Variants in GTF3C4 observed in about 807,000 individuals in gnomAD.
GTF3C4 encodes general transcription factor 3C polypeptide 4.
Under a neutral mutation model 67.5 loss-of-function variants are expected in GTF3C4, and 28 were observed. The observed-to-expected ratio is 0.41, with a 90% confidence interval of 0.31 to 0.57. The LOEUF (loss-of-function observed/expected upper bound fraction) is 0.57, where lower values mean the gene tolerates loss of function less well. GTF3C4 is among the 20% of genes least tolerant of loss of function. The pLI, the probability that GTF3C4 is intolerant of heterozygous loss-of-function variation, is 0.21. For missense variants in GTF3C4, 831 were observed against 1,033.2 expected, an observed-to-expected ratio of 0.80 and a Z score of 2.68; for synonymous variants, 409 against 393.0, an observed-to-expected ratio of 1.04 and a Z score of -0.48.
chr9:132,670,894 G>A lies in GTF3C4; in HGVS notation c.296G>A (p.Gly99Asp). ...CTCATCTGCGACGTGCACAACCCGGGCCAGGACCTGGTTATCCACCGCACC... is the reference window on the plus strand; with the variant it reads ...CTCATCTGCGACGTGCACAACCCGGACCAGGACCTGGTTATCCACCGCACC... ...LELICDVHNP[G>D]QDLVIHRTSV... The change falls in exon 1 of 5, where the codon GGC (glycine) becomes GAC (aspartate). Residue 99 changes from glycine to aspartate, a missense_variant. Gly to Asp is a moderately conservative substitution (Grantham distance 94). This residue lies in a region of GTF3C4 where 237 missense variants were observed against 212.7 expected (regional missense o/e 1.11). Coordinates refer to ENST00000372146, the MANE Select transcript of GTF3C4 (RefSeq NM_012204.4). The A allele has an allele frequency of 6.2e-7, 1 of 1,612,584 alleles. No homozygotes were observed. The highest frequency in any genetic ancestry group is 8.5e-7 in the Non-Finnish European group (1 of 1,179,966).
At chr9:132,684,914 C>A (rs772493196) in intron 3 of GTF3C4, among the ~76,000 whole-genome samples, 56 of 152,120 alleles carry the variant, frequency 3.7e-4, no homozygotes, top group Non-Finnish European at 5.6e-4. Context: ...CCTTGTCCTT[C>A]CTCTAGAATG....
At chr9:132,670,202 G>T (rs769535774), upstream of GTF3C4, 15 of 1,571,096 alleles carry the variant, frequency 9.5e-6, no homozygotes, top group Middle Eastern at 1.0e-3. Context: ...GAGAGTTCAC[G>T]CTGGGGAAGC....
chr9:132,670,539 GGA>G lies in GTF3C4; in HGVS notation c.-58_-57del. 1 of 1,267,060 alleles carries G rather than the reference GGA, an allele frequency of 7.9e-7. No individual in the cohort carries two copies. The highest frequency in any genetic ancestry group is 1.0e-6 in the Non-Finnish European group (1 of 963,444). The allele number at this position is 1,267,060 out of a possible 1,614,324, so 78.5% of individuals were successfully genotyped here. On this transcript the variant is annotated 5_prime_UTR_variant, in exon 1 of 5. Transcript: ENST00000372146. ...CGCTGGGGGTGGCGGCGGCGGTCCG[GGA>G]GGTGGTCGCGCGACTGCGTGGAGCG...
In GTF3C4 at chr9:132,692,064, T is replaced by C. The variant is rs1321742446; in HGVS notation, c.*3119T>C. The C allele has an allele frequency of 6.6e-6, 1 of 152,188 alleles. No homozygotes were observed. The highest frequency in any genetic ancestry group is 1.5e-5 in the Non-Finnish European group (1 of 68,032). 9.4% of individuals were successfully genotyped at this position (152,188 alleles called of 1,614,324 possible). A position where few individuals can be genotyped will look rare whatever the true frequency, so the allele number is the denominator to read the frequency against. ...GTTAAACTGCCTCAGAGTTTGTGAA[T>C]TGCTGCAATTCCTGGAATGGAAACA... On this transcript the variant is annotated 3_prime_UTR_variant, in exon 5 of 5. Coordinates refer to ENST00000372146, the MANE Select transcript of GTF3C4 (RefSeq NM_012204.4).
At chr9:132,674,311 C>T (rs1835833711) in intron 1 of GTF3C4, among the ~76,000 whole-genome samples, 1 of 152,188 alleles carries the variant, frequency 6.6e-6, no homozygotes. Context: ...TAAGTATACT[C>T]CTTGGGCATC....
chr9:132,685,014 ATTTTTT>A (rs3041416), intron 3 of GTF3C4, among the ~76,000 whole-genome samples: 2 of 135,438 alleles, frequency 1.5e-5, no homozygotes, highest in Non-Finnish European at 3.1e-5. Flanking sequence ...AAATTTTTTA[ATTTTTT>A]TTTTTTTTTT....
At position 132,670,790 on chromosome 9, in the gene GTF3C4, G is replaced by A. The variant is rs1311760361; in HGVS notation, c.192G>A (p.Val64=). Residue 64 remains valine (V), a synonymous_variant, in exon 1 of 5, where the codon GTG becomes GTA. Coordinates refer to ENST00000372146, the MANE Select transcript of GTF3C4 (RefSeq NM_012204.4). ...CGGCCGTGAAGCTGCAGTATGCGGT[G>A]AGCGGCCTGGAACCGCTGGCTTGGT... ...REPAVKLQYA[V]SGLEPLAWSE... The A allele has an allele frequency of 5.0e-6, 8 of 1,593,956 alleles. No homozygotes were observed. The highest frequency in any genetic ancestry group is 6.0e-6 in the Non-Finnish European group (7 of 1,174,328).
In GTF3C4 at chr9:132,678,333, G is replaced by A; in HGVS notation, c.714G>A (p.Glu238=). Residue 238 remains glutamate (E), a synonymous_variant, in exon 2 of 5, where the codon GAG becomes GAA. Coordinates refer to ENST00000372146, the MANE Select transcript of GTF3C4 (RefSeq NM_012204.4). The surrounding 1 kb of genome is among the most constrained non-coding windows in gnomAD (Gnocchi z 6.5). Reference sequence around the variant, plus strand: ...AAGGAAATCTCGGGGATTTTGCTGAGTTTCAGAGGAGACACAGCATGCAGA... The same window carrying A: ...AAGGAAATCTCGGGGATTTTGCTGAATTTCAGAGGAGACACAGCATGCAGA... ...APEGNLGDFA[E]FQRRHSMQTP... The A allele has an allele frequency of 6.2e-7, 1 of 1,614,222 alleles. No individual in the cohort carries two copies. The highest frequency in any genetic ancestry group is 8.5e-7 in the Non-Finnish European group (1 of 1,180,044).
At chr9:132,684,348 TCCTA>T (rs1256855778) in intron 3 of GTF3C4, among the ~76,000 whole-genome samples, 1 of 152,190 alleles carries the variant, frequency 6.6e-6, no homozygotes, top group Non-Finnish European at 1.5e-5. Flanking sequence ...AACCTTTTGT[TCCTA>T]CCTCTGCAGC....
chr9:132,683,148 T>C (rs1461526470), intron 2 of GTF3C4, among the ~76,000 whole-genome samples: 1 of 152,230 alleles, frequency 6.6e-6, no homozygotes, highest in Non-Finnish European at 1.5e-5. Context: ...ATATTTTGCC[T>C]ATAGAGATTA....
rs916261658 is a variant in GTF3C4, at chr9:132,670,652, G to C, written c.54G>C (p.Pro18=). 5 of 1,484,796 alleles carry C rather than the reference G, an allele frequency of 3.4e-6. No individual in the cohort carries two copies. The African/African-American group carries it at 7.2e-5, about 21-fold the overall frequency. The allele number at this position is 1,484,796 out of a possible 1,614,324, so 92.0% of individuals were successfully genotyped here. A position where few individuals can be genotyped will look rare whatever the true frequency, so the allele number is the denominator to read the frequency against. ...GGCCCGCGGACGACGGGCCTGCGCCGTCTGGGGAGGAGGAGGGAGAGGGGG... is the reference window on the plus strand; with the variant it reads ...GGCCCGCGGACGACGGGCCTGCGCCCTCTGGGGAGGAGGAGGGAGAGGGGG... ...RVGPADDGPA[P]SGEEEGEGGG... is the part of the protein sequence containing the mutation. Residue 18 remains proline (P), a synonymous_variant, in exon 1 of 5, where the codon CCG becomes CCC. Coordinates refer to ENST00000372146, the MANE Select transcript of GTF3C4 (RefSeq NM_012204.4).
At chr9:132,674,145 A>G (rs1835831414) in intron 1 of GTF3C4, among the ~76,000 whole-genome samples, 1 of 152,258 alleles carries the variant, frequency 6.6e-6, no homozygotes, top group Non-Finnish European at 1.5e-5. Flanking sequence ...AGGTGCTTAC[A>G]AAATGCCTAA....
At chr9:132,675,319 T>A (rs900153227) in intron 1 of GTF3C4, among the ~76,000 whole-genome samples, 2 of 152,200 alleles carry the variant, frequency 1.3e-5, no homozygotes, top group African/African-American at 4.8e-5. Flanking sequence ...ACAAATTTCA[T>A]CTGCCTGTAG....
intron 2 of GTF3C4, among the ~76,000 whole-genome samples, chr9:132,681,334 A>T (rs1313707586): frequency 6.6e-6 from 1 of 152,212 alleles, no homozygotes; most frequent in East Asian, 1.9e-4. Flanking sequence ...TGATTCCAAC[A>T]TAGCCATTTT....
chr9:132,684,258 C>G (rs992338698), intron 3 of GTF3C4, among the ~76,000 whole-genome samples: 6 of 152,180 alleles, frequency 3.9e-5, no homozygotes, highest in South Asian at 2.1e-4. Context: ...TATCTCTCCC[C>G]CTAAGTCTAG....
rs1454841578 is a variant in GTF3C4 at position 132,678,711 on chromosome 9, A to C, written c.1092A>C (p.Lys364Asn). ...TAAGGCAGCCTGTTATCTTGTGGAAAGAAATGGACCAGTTACCTGTGCACA... is the reference window on the plus strand; with the variant it reads ...TAAGGCAGCCTGTTATCTTGTGGAACGAAATGGACCAGTTACCTGTGCACA... ...FTLRQPVILW[K>N]EMDQLPVHSI... The change falls in exon 2 of 5, where the codon AAA becomes AAC. Residue 364 changes from lysine (K) to asparagine (N), a missense_variant. Physicochemically the swap from Lys to Asn is moderately conservative, Grantham distance 94 (BLOSUM62 0). Around this residue, in one of 4 missense-constraint regions of GTF3C4, gnomAD observed 390 missense variants for 540.3 expected, o/e 0.72. Coordinates refer to ENST00000372146, the MANE Select transcript of GTF3C4 (RefSeq NM_012204.4). The surrounding 1 kb of genome is among the most constrained non-coding windows in gnomAD (Gnocchi z 6.5). The C allele has an allele frequency of 3.1e-6, 5 of 1,614,090 alleles. No homozygotes were observed. In the South Asian group the frequency reaches 5.5e-5, roughly 18 times the overall value.
chr9:132,671,017 C>A, intron 1 of GTF3C4, 62 bp downstream of exon 1: 1 of 1,153,246 alleles, frequency 8.7e-7, no homozygotes, highest in Non-Finnish European at 1.3e-6. Context: ...CCGCATCATC[C>A]GTCCCAGGGG....
chr9:132,675,889 G>A (rs1835856121), intron 1 of GTF3C4, among the ~76,000 whole-genome samples: 1 of 125,518 alleles, frequency 8.0e-6, no homozygotes, highest in African/African-American at 3.0e-5. Context: ...GACTATTCCA[G>A]TTACCCTTTT....
intron 4 of GTF3C4, 89 bp downstream of exon 4, chr9:132,687,416 C>T: frequency 4.1e-6 from 3 of 729,750 alleles, no homozygotes; most frequent in South Asian, 1.5e-5. Context: ...TAGTCACGCT[C>T]TACACTTCTT....
Sources: gnomAD v4.1 joint callset for allele counts (sites outside exome capture counted in the v4.1 genomes callset) on GRCh38, gnomAD v4.1.1 for gene constraint, gnomAD v4.1.1 regional missense constraint, Gnocchi (gnomAD v3.1) non-coding constraint, MANE v1.5 for transcripts, NCBI Gene and HGNC (gene_info 2026-07-23, HGNC 2026-07-21) for gene names.